The following CLASP1 variants were observed in gnomAD, a reference collection of about 807,000 sequenced individuals.
CLASP1 encodes CLIP-associating protein 1.
A neutral mutation model predicts 192.3 loss-of-function variants in CLASP1; 38 were observed. That is an observed-to-expected ratio of 0.20 (90% CI 0.15 to 0.26). CLASP1 has a LOEUF of 0.26. CLASP1 is among the 10% of genes least tolerant of loss of function. The pLI, the probability that CLASP1 is intolerant of heterozygous loss-of-function variation, is 1.00. For missense variants in CLASP1, 1,433 were observed against 1,932.5 expected (o/e 0.74, Z 4.85); for synonymous variants, 691 against 712.8 (o/e 0.97, Z 0.49).
chr2:121,467,830 T>A (rs138485020), intron 9 of CLASP1, among the ~76,000 whole-genome samples: 1 of 152,222 alleles, frequency 6.6e-6, no homozygotes, highest in African/African-American at 2.4e-5. Context: ...TTTGTTGCAA[T>A]TGCTTTTGGT....
intron 38 of CLASP1, among the ~76,000 whole-genome samples, chr2:121,348,169 T>A (rs1490490265): frequency 6.6e-6 from 1 of 152,122 alleles, no homozygotes; most frequent in Non-Finnish European, 1.5e-5. Flanking sequence ...TGGTTTGATT[T>A]ACACTCCATG....
Position 121,466,292 on chromosome 2 carries a change from A to G in CLASP1, c.865+3516T>C, listed in dbSNP as rs535316292. 2.6e-5 allele frequency among the ~76,000 whole-genome samples: 4 copies of G among 152,358 alleles called. 1 individual carries two copies. The South Asian group carries it at 8.3e-4, about 32-fold the overall frequency. ...AAATACACCAAAAAAATAATCAGAA[A>G]GAACTAGAAATAAGCACAATTAACA... is the stretch of plus-strand genomic sequence containing the variant. On this transcript the variant is annotated intron_variant, in intron 9 of 39. Transcript: ENST00000263710.
intron 1 of CLASP1, among the ~76,000 whole-genome samples, chr2:121,625,924 C>A (rs1203725700): frequency 1.3e-5 from 2 of 151,732 alleles, no homozygotes; most frequent in Non-Finnish European, 2.9e-5. Context: ...CATGGTGAAA[C>A]CTCGTCTCTA....
intron 19 of CLASP1, among the ~76,000 whole-genome samples, chr2:121,439,263 C>T (rs1443348997): frequency 2.0e-5 from 3 of 151,472 alleles, no homozygotes; most frequent in African/African-American, 2.4e-5. Context: ...TTTGTTGATC[C>T]TTTCAAAAAA....
Position 121,601,738 on chromosome 2 carries a change from C to T in CLASP1, c.195+3963G>A, listed in dbSNP as rs188333252. Among the ~76,000 whole-genome samples the T allele has an allele frequency of 1.9e-3, 285 of 152,238 alleles. 1 individual carries two copies. The highest frequency in any genetic ancestry group is 6.5e-3 in the African/African-American group (272 of 41,554). ...TGTCTCTGTTTGCAGATGACATGAT[C>T]TTATATACAGAAAAACCTAAAGATT... On this transcript the variant is annotated intron_variant, in intron 2 of 39. Coordinates refer to ENST00000263710, the Ensembl canonical transcript of CLASP1.
intron 2 of CLASP1, among the ~76,000 whole-genome samples, chr2:121,580,587 C>A (rs2061016906): frequency 6.6e-6 from 1 of 152,190 alleles, no homozygotes; most frequent in Admixed American, 6.5e-5. Context: ...AGCATGTCCC[C>A]CAAATCACTG....
rs4848157 is a variant in CLASP1, at chr2:121,416,410, C to T, written c.2320+2212G>A. 7.2e-3 allele frequency among the ~76,000 whole-genome samples: 1,103 copies of T among 152,198 alleles called. 45 individuals are homozygous for T. The highest frequency in any genetic ancestry group is 0.063 in the Admixed American group (957 of 15,294). On this transcript the variant is annotated intron_variant, in intron 23 of 39. Transcript: ENST00000263710. The stretch of plus-strand genomic sequence containing the variant: ...TCACTAGAATATAAGTACTGTCATT[C>T]TTTTTGTTGTTGTTGTTGTTAAAGA...
At chr2:121,475,296 C>G (rs1373186585) in intron 8 of CLASP1, among the ~76,000 whole-genome samples, 2 of 152,172 alleles carry the variant, frequency 1.3e-5, no homozygotes, top group African/African-American at 4.8e-5. Flanking sequence ...TATTTGAAAA[C>G]TTAACTAACA....
At chr2:121,585,424 C>G (rs1477554177) in intron 2 of CLASP1, among the ~76,000 whole-genome samples, 1 of 152,120 alleles carries the variant, frequency 6.6e-6, no homozygotes, top group South Asian at 2.1e-4. Context: ...AAAGCAACTG[C>G]GAAGTGAGAT....
At chr2:121,644,245 A>G (rs1230685610) in intron 1 of CLASP1, among the ~76,000 whole-genome samples, 4 of 152,138 alleles carry the variant, frequency 2.6e-5, no homozygotes, top group Non-Finnish European at 5.9e-5. Flanking sequence ...GCACAAGGAA[A>G]TTTGAAAATC....
chr2:121,430,900 A>G (rs1409312014), intron 19 of CLASP1, among the ~76,000 whole-genome samples: 1 of 152,088 alleles, frequency 6.6e-6, no homozygotes, highest in African/African-American at 2.4e-5. Flanking sequence ...TTGAACCACG[A>G]AGCCATAAAA....
intron 2 of CLASP1, among the ~76,000 whole-genome samples, chr2:121,578,862 A>C (rs1159717017): frequency 6.6e-6 from 1 of 152,172 alleles, no homozygotes; most frequent in Non-Finnish European, 1.5e-5. Flanking sequence ...CACAAAAAAA[A>C]ACTTCACTCT....
chr2:121,642,393 C>A (rs2072273644), intron 1 of CLASP1, among the ~76,000 whole-genome samples: 1 of 137,428 alleles, frequency 7.3e-6, no homozygotes, highest in Admixed American at 7.6e-5. Flanking sequence ...GAGCAGGTAT[C>A]TTTTTGCTAA....
intron 29 of CLASP1, 106 bp downstream of exon 30, chr2:121,398,216 C>T: frequency 1.2e-6 from 1 of 805,184 alleles, no homozygotes; most frequent in Non-Finnish European, 2.0e-6. Context: ...AGAATGCTCA[C>T]AGCAGATTTA....
chr2:121,376,592 A>G (rs1272217256), intron 34 of CLASP1, among the ~76,000 whole-genome samples: 2 of 152,162 alleles, frequency 1.3e-5, no homozygotes, highest in East Asian at 3.9e-4. Context: ...GGTAAGAGGA[A>G]TAAGTTCTAA....
intron 25 of CLASP1, among the ~76,000 whole-genome samples, chr2:121,407,214 C>CAA (rs34241757): frequency 4.8e-5 from 5 of 104,714 alleles, no homozygotes; most frequent in Non-Finnish European, 6.7e-5. Flanking sequence ...GATTCCATCT[C>CAA]AAAAAAAAAA....
chr2:121,387,820 C>G (rs1283243317), exon 31 of CLASP1: 3 of 1,613,714 alleles, frequency 1.9e-6, no homozygotes, highest in Non-Finnish European at 2.5e-6. Flanking sequence ...TGGCACCATC[C>G]TGGAATGTTT....
At chr2:121,478,836 ACCACACACACAC>A (rs1559367993) in intron 8 of CLASP1, among the ~76,000 whole-genome samples, 16 of 54,726 alleles carry the variant, frequency 2.9e-4, no homozygotes, top group African/African-American at 1.2e-3. Flanking sequence ...CACACCACAC[ACCACACACACAC>A]CACACACCAC....
intron 37 of CLASP1, among the ~76,000 whole-genome samples, chr2:121,356,409 C>T (rs1362987833): frequency 6.6e-6 from 1 of 152,210 alleles, no homozygotes; most frequent in Non-Finnish European, 1.5e-5. Context: ...GGCCCTGAAC[C>T]TGGGACGAGA....
Sources: gnomAD v4.1 joint callset for allele counts (sites outside exome capture counted in the v4.1 genomes callset) on GRCh38, gnomAD v4.1.1 for gene constraint, MANE v1.5 for transcripts, NCBI Gene and HGNC (gene_info 2026-07-23, HGNC 2026-07-21) for gene names.